The following KCNMB2 variants were observed in gnomAD, a reference collection of about 807,000 sequenced individuals.
The protein encoded by KCNMB2 is potassium calcium-activated channel subfamily M regulatory beta subunit 2.
Under a neutral mutation model 24.5 loss-of-function variants are expected in KCNMB2, and 9 were observed. The observed-to-expected ratio is 0.37, with a 90% CI of 0.22 to 0.64. The LOEUF is 0.64. KCNMB2 is among the 30% of genes least tolerant of loss of function. KCNMB2 has a pLI of 0.63. For synonymous variants in KCNMB2, 109 were observed against 104.4 expected, an observed-to-expected ratio of 1.04 and a Z score of -0.27; for missense variants, 226 against 284.3, an observed-to-expected ratio of 0.79 and a Z score of 1.47.
At chr3:178,538,029 A>G (rs896385682) in intron 1 of KCNMB2, among the ~76,000 whole-genome samples, 8 of 152,268 alleles carry the variant, frequency 5.3e-5, no homozygotes. Context: ...AAATACTGCA[A>G]TTAAGGATAA....
intron 1 of KCNMB2, among the ~76,000 whole-genome samples, chr3:178,740,623 G>T (rs903534312): frequency 6.6e-6 from 1 of 152,178 alleles, no homozygotes; most frequent in Admixed American, 6.5e-5. Context: ...GCCTACTTGT[G>T]CTCTGTCTTT....
intron 1 of KCNMB2, among the ~76,000 whole-genome samples, chr3:178,782,691 G>A (rs1287033953): frequency 6.6e-6 from 1 of 150,418 alleles, no homozygotes; most frequent in East Asian, 2.0e-4. Flanking sequence ...CTGGATATTA[G>A]CCCTTTGTCA....
At chr3:178,812,404 C>T (rs1276321533) in intron 2 of KCNMB2, among the ~76,000 whole-genome samples, 1 of 122,500 alleles carries the variant, frequency 8.2e-6, no homozygotes, top group Admixed American at 1.0e-4. Flanking sequence ...CACCCCACAA[C>T]AGTCCCTGGT....
intron 1 of KCNMB2, among the ~76,000 whole-genome samples, chr3:178,743,406 T>C (rs576803102): frequency 6.6e-6 from 1 of 152,248 alleles, no homozygotes; most frequent in South Asian, 2.1e-4. Context: ...CCTCTGAGGA[T>C]ACAGAGGCTC....
intron 1 of KCNMB2, among the ~76,000 whole-genome samples, chr3:178,683,559 T>G (rs1394949867): frequency 6.6e-6 from 1 of 152,230 alleles, no homozygotes; most frequent in Non-Finnish European, 1.5e-5. Flanking sequence ...TACATTCTTT[T>G]TATGCTAAGT....
intron 1 of KCNMB2, among the ~76,000 whole-genome samples, chr3:178,645,542 T>TCTATGGG (rs1455833384): frequency 1.3e-5 from 2 of 152,154 alleles, no homozygotes; most frequent in Non-Finnish European, 2.9e-5. Context: ...GCTAGCTACC[T>TCTATGGG]CTATGGGCCA....
chr3:178,791,136 C>G (rs1458620726), intron 1 of KCNMB2, among the ~76,000 whole-genome samples: 1 of 152,200 alleles, frequency 6.6e-6, no homozygotes. Context: ...AAATAAGGCA[C>G]AAGTGGCCAA....
intron 1 of KCNMB2, among the ~76,000 whole-genome samples, chr3:178,763,546 A>C (rs894040236): frequency 2.0e-5 from 3 of 152,204 alleles, no homozygotes; most frequent in Non-Finnish European, 4.4e-5. Context: ...TGCATAGAGA[A>C]TCTTAGAATA....
rs1216722377 is a variant in KCNMB2 at position 178,759,128 on chromosome 3, TCTCC to T, written c.-67-48214_-67-48211del. 1.0e-2 allele frequency among the ~76,000 whole-genome samples: 618 copies of T among 62,076 alleles called. 173 individuals carry two copies. The highest frequency in any genetic ancestry group is 0.012 in the African/African-American group (142 of 11,514). 40.7% of individuals were successfully genotyped at this position (62,076 alleles called of 152,430 possible). On this transcript the variant is annotated intron_variant, in intron 1 of 4. Transcript: ENST00000452583. ...TCTCCAAGAGGGATATATATATATA[TCTCC>T]AAGAGGGATATATATATATATCTAT...
At chr3:178,621,669 G>T (rs1718926894) in intron 1 of KCNMB2, among the ~76,000 whole-genome samples, 1 of 151,938 alleles carries the variant, frequency 6.6e-6, no homozygotes, top group Non-Finnish European at 1.5e-5. Flanking sequence ...TATTTACTAT[G>T]CATTTGTGAG....
In KCNMB2 at chr3:178,553,354, T is replaced by C. The variant is rs535810830; in HGVS notation, c.-68+16643T>C. 2.6e-5 allele frequency among the ~76,000 whole-genome samples: 4 copies of C among 152,158 alleles called. No individual in the cohort carries two copies. In the South Asian group the frequency reaches 8.3e-4, roughly 32 times the overall value. ...AGATTTGATTCCAACTTTTGAAAAA[T>C]GAACTGAAAATTGGCCAACACAGAC... On this transcript the variant is annotated intron_variant, in intron 1 of 4. Transcript: ENST00000452583.
intron 1 of KCNMB2, among the ~76,000 whole-genome samples, chr3:178,612,894 T>G (rs527683627): frequency 2.0e-5 from 3 of 152,338 alleles, no homozygotes; most frequent in African/African-American, 7.2e-5. Flanking sequence ...TTTATATTTT[T>G]TGTGTATCTA....
At chr3:178,713,180 T>C (rs1003809351) in intron 1 of KCNMB2, among the ~76,000 whole-genome samples, 3 of 152,228 alleles carry the variant, frequency 2.0e-5, no homozygotes, top group Non-Finnish European at 2.9e-5. Flanking sequence ...AAAGCTTGTA[T>C]AGTGATTAGC....
Position 178,536,571 on chromosome 3 carries a change from G to C in KCNMB2, c.-208G>C, listed in dbSNP as rs1715418078. The C allele has an allele frequency of 6.6e-6, 1 of 152,200 alleles. No individual in the cohort carries two copies. The highest frequency in any genetic ancestry group is 2.4e-5 in the African/African-American group (1 of 41,452). 9.4% of individuals were successfully genotyped at this position (152,200 alleles called of 1,614,324 possible). On this transcript the variant is annotated 5_prime_UTR_variant, in exon 1 of 5. Transcript: ENST00000452583. ...GAGTATTAAAGCTATGAGTTAGAAA[G>C]GGTTGTGACATTAATGGTCCACAAA... is the stretch of plus-strand genomic sequence containing the variant.
intron 4 of KCNMB2, among the ~76,000 whole-genome samples, chr3:178,837,506 C>T (rs539031600): frequency 5.3e-5 from 8 of 152,276 alleles, no homozygotes; most frequent in Admixed American, 4.6e-4. Flanking sequence ...AAGTACATGA[C>T]TGATTGACAA....
intron 1 of KCNMB2, among the ~76,000 whole-genome samples, chr3:178,636,906 C>T (rs1370911825): frequency 6.6e-6 from 1 of 152,050 alleles, no homozygotes; most frequent in Non-Finnish European, 1.5e-5. Flanking sequence ...CATGTGTCCA[C>T]GTGTTCTCAT....
At position 178,598,052 on chromosome 3, in the gene KCNMB2, CA is replaced by C. The variant is rs57155254; in HGVS notation, c.-68+61352del. Among the ~76,000 whole-genome samples, 158 of 140,758 alleles carry C rather than the reference CA, an allele frequency of 1.1e-3. 1 individual carries two copies. Among genetic ancestry groups the C allele is most frequent in the African/African-American group, 2.6e-3 (101 of 38,482 alleles). 92.3% of individuals were successfully genotyped at this position (140,758 alleles called of 152,430 possible). Reference sequence around the variant, plus strand: ...GAAAATGCAGGACAAAAAAACAAAACAAAAAAAAAAACAAGAAATACAGACT... The same window carrying C: ...GAAAATGCAGGACAAAAAAACAAAACAAAAAAAAAACAAGAAATACAGACT... On this transcript the variant is annotated intron_variant, in intron 1 of 4. Transcript: ENST00000452583.
Position 178,584,707 on chromosome 3 carries a change from C to CA in KCNMB2, c.-68+48006dup, listed in dbSNP as rs58169174. Among the ~76,000 whole-genome samples, 852 of 146,942 alleles carry CA rather than the reference C, an allele frequency of 5.8e-3. 8 individuals carry two copies. Among genetic ancestry groups the CA allele is most frequent in the African/African-American group, 0.019 (786 of 40,412 alleles). On this transcript the variant is annotated intron_variant, in intron 1 of 4. Transcript: ENST00000452583. ...AAATAATAAAATGGAATAAAGAAAC[C>CA]AAAAAAAAAAGAAAAAGTTTGTATG...
chr3:178,796,210 A>T (rs1394943303), intron 1 of KCNMB2, among the ~76,000 whole-genome samples: 1 of 152,220 alleles, frequency 6.6e-6, no homozygotes, highest in Admixed American at 6.5e-5. Flanking sequence ...ATTCATCAAG[A>T]GGATATAATA....
Sources: gnomAD v4.1 joint callset for allele counts (sites outside exome capture counted in the v4.1 genomes callset) on GRCh38, gnomAD v4.1.1 for gene constraint, MANE v1.5 for transcripts, NCBI Gene and HGNC (gene_info 2026-07-23, HGNC 2026-07-21) for gene names.